NDST3: variants seen among roughly 807,000 people sequenced by gnomAD.
NDST3 encodes the protein N-deacetylase and N-sulfotransferase 3.
A neutral mutation model predicts 96.1 loss-of-function variants in NDST3; 58 were observed. The ratio of observed to expected loss-of-function variants is 0.60; its 90% CI spans 0.49 to 0.75. The LOEUF is 0.75. NDST3 is among the 30% of genes least tolerant of loss of function. The pLI, the probability that NDST3 is intolerant of heterozygous loss-of-function variation, is 0.00. For missense variants in NDST3, 788 were observed against 1,034.2 expected, an observed-to-expected ratio of 0.76 and a Z score of 3.27; for synonymous variants, 333 against 359.7, an observed-to-expected ratio of 0.93 and a Z score of 0.84.
intron 12 of NDST3, among the ~76,000 whole-genome samples, chr4:118,250,504 G>C (rs1280110314): frequency 6.9e-6 from 1 of 144,906 alleles, no homozygotes; most frequent in East Asian, 2.0e-4. Flanking sequence ...TTTTTTTTGA[G>C]ATGGAGTTTT....
At chr4:118,114,682 C>G in intron 3 of NDST3, 124 bp from the exon 4 acceptor site, 2 of 1,069,544 alleles carry the variant, frequency 1.9e-6, no homozygotes, top group East Asian at 2.6e-5. Flanking sequence ...AAGCCTTATA[C>G]GTAAAACAGA....
chr4:118,146,647 G>C (rs1733969833), intron 6 of NDST3, among the ~76,000 whole-genome samples: 1 of 152,192 alleles, frequency 6.6e-6, no homozygotes. Context: ...TCAATCAAGT[G>C]AATTTAACAA....
At chr4:118,217,350 C>T (rs1488771675) in intron 6 of NDST3, among the ~76,000 whole-genome samples, 1 of 152,078 alleles carries the variant, frequency 6.6e-6, no homozygotes, top group Non-Finnish European at 1.5e-5. Context: ...CTTTATTCAA[C>T]TCAAAAGCTA....
rs76490151 is a variant in NDST3 at position 118,097,427 on chromosome 4, A to T, written c.982-7591A>T. Among the ~76,000 whole-genome samples the T allele has an allele frequency of 1.8e-4, 27 of 152,108 alleles. No individual in the cohort carries two copies. The East Asian group carries it at 4.8e-3, about 27-fold the overall frequency. On this transcript the variant is annotated intron_variant, in intron 2 of 13. Coordinates refer to ENST00000296499, the MANE Select transcript of NDST3 (RefSeq NM_004784.3). The stretch of plus-strand genomic sequence containing the variant: ...TCATACTCAAAAGGAAAAACAACTC[A>T]TAAATAAATAAATTAGAAACTACCT...
intron 2 of NDST3, among the ~76,000 whole-genome samples, chr4:118,060,044 C>T (rs951245905): frequency 1.3e-5 from 2 of 152,050 alleles, no homozygotes; most frequent in African/African-American, 4.8e-5. Context: ...TTGATAGGAA[C>T]ATATATTATC....
At chr4:118,252,572 ATTAT>A in intron 12 of NDST3, among the ~76,000 whole-genome samples, 1 of 152,332 alleles carries the variant, frequency 6.6e-6, no homozygotes, top group Non-Finnish European at 1.5e-5. Flanking sequence ...ATGTGCTATT[ATTAT>A]TTATTATAAT....
chr4:118,118,031 T>C (rs1238818321), intron 4 of NDST3, among the ~76,000 whole-genome samples: 1 of 152,098 alleles, frequency 6.6e-6, no homozygotes, highest in African/African-American at 2.4e-5. Context: ...AAAAACTAAA[T>C]CTGAGGAAAT....
chr4:118,080,164 A>G (rs1004465135), intron 2 of NDST3, among the ~76,000 whole-genome samples: 4 of 152,084 alleles, frequency 2.6e-5, no homozygotes, highest in Admixed American at 6.6e-5. Flanking sequence ...CGTGTAAAGT[A>G]CTTAAAACAG....
At chr4:118,079,932 C>T (rs142587419) in intron 2 of NDST3, among the ~76,000 whole-genome samples, 13 of 152,172 alleles carry the variant, frequency 8.5e-5, no homozygotes, top group Admixed American at 3.9e-4. Flanking sequence ...TCAAGGATAC[C>T]TCCTAGGATT....
rs552152589 is a variant in NDST3 at position 118,132,382 on chromosome 4, G to A, written c.1225-5672G>A. Among the ~76,000 whole-genome samples the A allele has an allele frequency of 1.6e-3, 236 of 152,184 alleles. 3 individuals carry two copies. Among genetic ancestry groups the A allele is most frequent in the African/African-American group, 5.5e-3 (227 of 41,536 alleles). ...CTTGGCAGGGTTCTGTCAGGCCACC[G>A]GCAATTTTCACTTAAGCCCAAGGGT... On this transcript the variant is annotated intron_variant, in intron 4 of 13. Transcript: ENST00000296499.
Position 118,054,272 on chromosome 4 carries a change from T to C in NDST3, c.362T>C (p.Ile121Thr), listed in dbSNP as rs188154830. The C allele has an allele frequency of 1.3e-4, 202 of 1,612,452 alleles. No individual in the cohort carries two copies. Among genetic ancestry groups the C allele is most frequent in the Admixed American group, 1.8e-4 (11 of 59,712 alleles). Reference sequence around the variant, plus strand: ...GGAAAGGGAGATCTCCCAGTGCTTATAGACAAAATGAAAGGCAAATACATT... The same window carrying C: ...GGAAAGGGAGATCTCCCAGTGCTTACAGACAAAATGAAAGGCAAATACATT... ...APGKGDLPVL[I>T]DKMKGKYILI... Residue 121 changes from isoleucine (I) to threonine (T), a missense_variant, in exon 2 of 14, where the codon ATA (isoleucine) becomes ACA (threonine). Transcript: ENST00000296499.
intron 6 of NDST3, among the ~76,000 whole-genome samples, chr4:118,170,317 T>C (rs1354973008): frequency 2.0e-5 from 3 of 152,226 alleles, no homozygotes; most frequent in African/African-American, 7.2e-5. Flanking sequence ...TTCAGTTATA[T>C]AAAAAATGTA....
intron 7 of NDST3, among the ~76,000 whole-genome samples, chr4:118,225,674 T>C (rs1739829258): frequency 6.6e-6 from 1 of 152,132 alleles, no homozygotes; most frequent in Non-Finnish European, 1.5e-5. Context: ...CTCAGTAACT[T>C]TTTACCACAG....
At chr4:118,065,110 T>G (rs1726200517) in intron 2 of NDST3, among the ~76,000 whole-genome samples, 1 of 152,132 alleles carries the variant, frequency 6.6e-6, no homozygotes, top group Admixed American at 6.6e-5. Context: ...ATGTTCACAT[T>G]CACAGGTTCC....
rs372602576 is a variant in NDST3 at position 118,232,640 on chromosome 4, A to G, written c.1820-372A>G. Among the ~76,000 whole-genome samples the G allele has an allele frequency of 7.4e-5, 11 of 149,658 alleles. No individual in the cohort carries two copies. The South Asian group carries it at 1.3e-3, about 17-fold the overall frequency. On this transcript the variant is annotated intron_variant, in intron 8 of 13. Transcript: ENST00000296499. The stretch of plus-strand genomic sequence containing the variant: ...GCAATATAGTAAGATGCTGAAAAAA[A>G]AAGAAAGAAAGAGAGAGAAAGAAGG...
intron 6 of NDST3, among the ~76,000 whole-genome samples, chr4:118,174,957 T>C (rs1736182012): frequency 6.6e-6 from 1 of 152,104 alleles, no homozygotes; most frequent in Admixed American, 6.6e-5. Flanking sequence ...TCCCTTCCTT[T>C]CACATTTTAT....
intron 6 of NDST3, among the ~76,000 whole-genome samples, chr4:118,162,812 C>G (rs1357605091): frequency 2.6e-4 from 39 of 149,294 alleles, no homozygotes; most frequent in African/African-American, 9.6e-4. Context: ...CGTGAACAGG[C>G]AACCTACAAA....
intron 10 of NDST3, among the ~76,000 whole-genome samples, chr4:118,238,246 AAG>A (rs1740811515): frequency 1.3e-5 from 2 of 152,196 alleles, no homozygotes; most frequent in African/African-American, 4.8e-5. Context: ...GAAAAAAAGA[AAG>A]AAAATTCTAC....
chr4:118,073,462 T>G (rs1727248957), intron 2 of NDST3, among the ~76,000 whole-genome samples: 1 of 152,162 alleles, frequency 6.6e-6, no homozygotes, highest in East Asian at 1.9e-4. Context: ...TAGTTGCATG[T>G]TTCCAGACAT....
Sources: allele counts gnomAD v4.1 joint callset (sites outside exome capture counted in the v4.1 genomes callset), GRCh38; gene constraint gnomAD v4.1.1; transcripts MANE v1.5; gene names NCBI Gene and HGNC (gene_info 2026-07-23, HGNC 2026-07-21).